Variants in LHFPL3 observed in about 807,000 individuals in gnomAD.
LHFPL3 encodes LHFPL tetraspan subfamily member 3.
LHFPL3 carries 5 observed loss-of-function variants against 19.3 expected under a neutral mutation model. The ratio of observed to expected loss-of-function variants is 0.26; its 90% CI spans 0.14 to 0.54. The LOEUF (loss-of-function observed/expected upper bound fraction) is 0.54, where lower values mean the gene tolerates loss of function less well. LHFPL3 is among the 20% of genes least tolerant of loss of function. LHFPL3 has a pLI of 0.94. For synonymous variants in LHFPL3, 133 were observed against 126.2 expected (o/e 1.05, Z -0.36); for missense variants, 249 against 307.4 (o/e 0.81, Z 1.42).
At chr7:104,573,817 C>T (rs767570488) in intron 1 of LHFPL3, among the ~76,000 whole-genome samples, 1 of 152,226 alleles carries the variant, frequency 6.6e-6, no homozygotes, top group Non-Finnish European at 1.5e-5. Flanking sequence ...CTTTGCTTTG[C>T]ACACTGTATA....
intron 1 of LHFPL3, among the ~76,000 whole-genome samples, chr7:104,493,334 C>A (rs770995421): frequency 9.9e-5 from 15 of 151,768 alleles, no homozygotes; most frequent in African/African-American, 3.4e-4. Context: ...GTATTTTGAT[C>A]CTTAGCTCCT....
At chr7:104,897,988 CAGAA>C (rs1322175389) in intron 2 of LHFPL3, among the ~76,000 whole-genome samples, 1 of 131,528 alleles carries the variant, frequency 7.6e-6, no homozygotes, top group Non-Finnish European at 1.6e-5. Flanking sequence ...AGACTGCTGA[CAGAA>C]AGAAATGTCA....
intron 1 of LHFPL3, among the ~76,000 whole-genome samples, chr7:104,476,843 A>C (rs1224935188): frequency 1.3e-5 from 2 of 152,200 alleles, no homozygotes; most frequent in African/African-American, 4.8e-5. Flanking sequence ...TTATCAGCTA[A>C]GTTAGAAACA....
intron 1 of LHFPL3, among the ~76,000 whole-genome samples, chr7:104,401,936 T>C (rs1419283372): frequency 6.6e-6 from 1 of 151,936 alleles, no homozygotes; most frequent in East Asian, 1.9e-4. Flanking sequence ...TGAAGAAAGA[T>C]TAAAGTAGCA....
intron 2 of LHFPL3, among the ~76,000 whole-genome samples, chr7:104,749,276 C>T (rs1035028936): frequency 1.3e-5 from 2 of 152,254 alleles, no homozygotes; most frequent in African/African-American, 4.8e-5. Context: ...AAATGTATAA[C>T]AGTCAATTAA....
intron 1 of LHFPL3, among the ~76,000 whole-genome samples, chr7:104,519,469 C>G (rs147144247): frequency 2.0e-5 from 3 of 152,234 alleles, no homozygotes; most frequent in African/African-American, 7.2e-5. Context: ...ACAGTGCCAG[C>G]TCCAGCATTT....
intron 1 of LHFPL3, among the ~76,000 whole-genome samples, chr7:104,489,605 C>T (rs1301195289): frequency 2.0e-5 from 3 of 151,584 alleles, no homozygotes; most frequent in African/African-American, 2.4e-5. Context: ...AAAGAACTGA[C>T]CTGCAGCCCT....
intron 1 of LHFPL3, among the ~76,000 whole-genome samples, chr7:104,342,582 CACAAAT>C (rs1190987753): frequency 1.3e-5 from 2 of 152,168 alleles, no homozygotes; most frequent in Non-Finnish European, 2.9e-5. Context: ...TCAAAGGAGA[CACAAAT>C]TCTCAAGCTG....
chr7:104,907,245 T>A lies in LHFPL3; in HGVS notation c.*1030T>A, dbSNP rs895921802. 3.9e-5 allele frequency: 6 copies of A among 152,564 alleles called. No individual in the cohort carries two copies. Among genetic ancestry groups the A allele is most frequent in the Non-Finnish European group, 7.4e-5 (5 of 67,996 alleles). The allele number at this position is 152,564 out of a possible 1,614,324, so 9.5% of individuals were successfully genotyped here. On this transcript the variant is annotated 3_prime_UTR_variant, in exon 3 of 3. Transcript: ENST00000424859. ...TGATGGGCACTCATTTTTATTTTTTTAAAAATCATTCCATTAAACATATTT... is the reference window on the plus strand; with the variant it reads ...TGATGGGCACTCATTTTTATTTTTTAAAAAATCATTCCATTAAACATATTT...
At chr7:104,710,781 T>C (rs1029217475) in intron 1 of LHFPL3, among the ~76,000 whole-genome samples, 1 of 152,248 alleles carries the variant, frequency 6.6e-6, no homozygotes, top group African/African-American at 2.4e-5. Flanking sequence ...TGTTGGCTAT[T>C]ATTTTTGCAT....
intron 1 of LHFPL3, among the ~76,000 whole-genome samples, chr7:104,540,039 G>C (rs1252059490): frequency 2.0e-5 from 3 of 152,086 alleles, no homozygotes; most frequent in Admixed American, 6.5e-5. Flanking sequence ...AGAGTGAATG[G>C]GGAGAAACTT....
intron 2 of LHFPL3, among the ~76,000 whole-genome samples, chr7:104,742,445 T>A (rs1179534172): frequency 6.6e-6 from 1 of 152,234 alleles, no homozygotes; most frequent in Non-Finnish European, 1.5e-5. Flanking sequence ...GGAGGTAGAA[T>A]AAATTCACTT....
intron 1 of LHFPL3, among the ~76,000 whole-genome samples, chr7:104,661,861 T>C: frequency 6.6e-6 from 1 of 152,216 alleles, no homozygotes; most frequent in Non-Finnish European, 1.5e-5. Context: ...TTTTGGCATA[T>C]CCAAATTGTT....
At chr7:104,837,655 C>G (rs1791123146) in intron 2 of LHFPL3, among the ~76,000 whole-genome samples, 1 of 152,068 alleles carries the variant, frequency 6.6e-6, no homozygotes, top group Non-Finnish European at 1.5e-5. Flanking sequence ...TATTGAGGAA[C>G]AGGTGGTGTT....
chr7:104,656,105 A>G (rs73181826), intron 1 of LHFPL3, among the ~76,000 whole-genome samples: 6,673 of 152,260 alleles, frequency 0.044, 193 homozygotes, highest in East Asian at 0.12. Flanking sequence ...AATAAACAAT[A>G]TTACTGCTCC....
At chr7:104,658,410 G>A (rs979148849) in intron 1 of LHFPL3, among the ~76,000 whole-genome samples, 5 of 151,876 alleles carry the variant, frequency 3.3e-5, no homozygotes, top group African/African-American at 7.3e-5. Flanking sequence ...TTGCTACACA[G>A]CAAATCTGTG....
chr7:104,540,388 T>G (rs977687422), intron 1 of LHFPL3, among the ~76,000 whole-genome samples: 1 of 152,100 alleles, frequency 6.6e-6, no homozygotes, highest in African/African-American at 2.4e-5. Context: ...GTGAAAATAT[T>G]TTTCATTGTC....
intron 1 of LHFPL3, among the ~76,000 whole-genome samples, chr7:104,518,027 A>C (rs1793955876): frequency 6.6e-6 from 1 of 152,176 alleles, no homozygotes; most frequent in South Asian, 2.1e-4. Flanking sequence ...ATTCAAAAAA[A>C]ACCAAAAGTC....
chr7:104,524,506 G>A lies in LHFPL3; in HGVS notation c.445+195282G>A, dbSNP rs762689080. On this transcript the variant is annotated intron_variant, in intron 1 of 2. Coordinates refer to ENST00000424859, the MANE Select transcript of LHFPL3 (RefSeq NM_199000.3). ...CTATACTTTCCAGTCAGCTTGGAGT[G>A]TCTAAAGTACAAACCCTGTATCTAT... Among the ~76,000 whole-genome samples, 6 of 152,242 alleles carry A rather than the reference G, an allele frequency of 3.9e-5. No homozygotes were observed. In the South Asian group the frequency reaches 1.2e-3, roughly 32 times the overall value.
Sources: gnomAD v4.1 joint callset for allele counts (sites outside exome capture counted in the v4.1 genomes callset) on GRCh38, gnomAD v4.1.1 for gene constraint, MANE v1.5 for transcripts, NCBI Gene and HGNC (gene_info 2026-07-23, HGNC 2026-07-21) for gene names.